The following UBE2G1 variants were observed in gnomAD, a reference collection of about 807,000 sequenced individuals.
UBE2G1 encodes the protein ubiquitin-conjugating enzyme E2 G1.
Under a neutral mutation model 22.7 loss-of-function variants are expected in UBE2G1, and 5 were observed. That is an observed-to-expected ratio of 0.22 (90% confidence interval 0.12 to 0.46). The LOEUF is 0.46. UBE2G1 is among the 20% of genes least tolerant of loss of function. The probability of loss-of-function intolerance (pLI) is 0.99; values close to 1 mark genes in which losing one functional copy is unlikely to be tolerated. For missense variants in UBE2G1, 88 were observed against 203.9 expected (o/e 0.43, Z 3.46); for synonymous variants, 74 against 67.5 (o/e 1.10, Z -0.47).
At chr17:4,274,383 G>T (rs1404728187) in intron 5 of UBE2G1, among the ~76,000 whole-genome samples, 1 of 151,804 alleles carries the variant, frequency 6.6e-6, no homozygotes, top group Non-Finnish European at 1.5e-5. Flanking sequence ...ATTTTTAGTA[G>T]AGACGGGGTT....
chr17:4,276,848 A>G (rs1288031174), intron 5 of UBE2G1, among the ~76,000 whole-genome samples: 1 of 152,212 alleles, frequency 6.6e-6, no homozygotes, highest in Non-Finnish European at 1.5e-5. Flanking sequence ...AGTTGAAACA[A>G]AGGCCTCAGT....
chr17:4,349,639 T>C (rs548646656), intron 1 of UBE2G1, among the ~76,000 whole-genome samples: 30 of 151,978 alleles, frequency 2.0e-4, no homozygotes, highest in African/African-American at 6.8e-4. Flanking sequence ...GTCAGGAGAT[T>C]GAGACCATCC....
intron 1 of UBE2G1, among the ~76,000 whole-genome samples, chr17:4,333,774 G>A (rs1256776001): frequency 6.6e-6 from 1 of 151,938 alleles, no homozygotes; most frequent in East Asian, 1.9e-4. Context: ...AGCCGAGATT[G>A]CACCACTGCA....
chr17:4,359,019 T>C (rs779527462), intron 1 of UBE2G1, among the ~76,000 whole-genome samples: 2 of 151,516 alleles, frequency 1.3e-5, no homozygotes. Flanking sequence ...TGTCTTAACA[T>C]AGAAACCCTA....
chr17:4,362,630 A>T (rs899939183), intron 1 of UBE2G1, among the ~76,000 whole-genome samples: 7 of 152,222 alleles, frequency 4.6e-5, no homozygotes, highest in Non-Finnish European at 1.0e-4. Flanking sequence ...TAATTAATTT[A>T]AATCCTTAAG....
chr17:4,336,550 A>G (rs964477122), intron 1 of UBE2G1, among the ~76,000 whole-genome samples: 7 of 151,898 alleles, frequency 4.6e-5, no homozygotes, highest in African/African-American at 1.7e-4. Context: ...TTTTTTTTTG[A>G]GACAGGGTCT....
chr17:4,283,039 T>C (rs1273801865), intron 4 of UBE2G1, 118 bp from the exon 5 acceptor site: 4 of 855,228 alleles, frequency 4.7e-6, no homozygotes, highest in East Asian at 5.4e-5. Context: ...AGAAACATTA[T>C]AGAGTTGAAA....
At chr17:4,304,953 CTT>C (rs554912028) in intron 2 of UBE2G1, among the ~76,000 whole-genome samples, 26 of 136,996 alleles carry the variant, frequency 1.9e-4, no homozygotes, top group Non-Finnish European at 2.2e-4. Context: ...TTTTTAAGAA[CTT>C]TTTTTTTTTT....
intron 1 of UBE2G1, among the ~76,000 whole-genome samples, chr17:4,348,506 T>A (rs1188320541): frequency 7.6e-6 from 1 of 132,004 alleles, no homozygotes; most frequent in Admixed American, 8.5e-5. Flanking sequence ...TGAGCCGAGA[T>A]CCCGCCACTG....
chr17:4,301,647 A>T, intron 2 of UBE2G1: 1 of 823,548 alleles, frequency 1.2e-6, no homozygotes, highest in Non-Finnish European at 2.1e-6. Context: ...TAGCTGTTTT[A>T]TTTGCACTGG....
At chr17:4,312,539 G>A (rs924861524) in intron 1 of UBE2G1, among the ~76,000 whole-genome samples, 4 of 151,106 alleles carry the variant, frequency 2.6e-5, no homozygotes, top group Non-Finnish European at 4.4e-5. Context: ...TACTAAAAAT[G>A]CAAAAAATTA....
Position 4,295,056 on chromosome 17 carries a change from TAGAGTTACAC to T in UBE2G1, c.247+1651_247+1660del, listed in dbSNP as rs111518939. Among the ~76,000 whole-genome samples, 177 of 152,310 alleles carry T rather than the reference TAGAGTTACAC, an allele frequency of 1.2e-3. 1 individual carries two copies. Among genetic ancestry groups the T allele is most frequent in the African/African-American group, 4.0e-3 (168 of 41,562 alleles). ...GCTTAAGGCTCCAACAGGGTTTGCC[TAGAGTTACAC>T]AGCTAGTCTGTGGTGAAGCCAACAT... On this transcript the variant is annotated intron_variant, in intron 3 of 5. Coordinates refer to ENST00000396981, the MANE Select transcript of UBE2G1 (RefSeq NM_003342.5).
chr17:4,274,142 G>A lies in UBE2G1; in HGVS notation c.*38-1626C>T, dbSNP rs537660751. Among the ~76,000 whole-genome samples, 4 of 149,504 alleles carry A rather than the reference G, an allele frequency of 2.7e-5. No individual in the cohort carries two copies. In the South Asian group the frequency reaches 8.5e-4, roughly 32 times the overall value. ...TCTACAGGCACCCGCCACCACACCC[G>A]GCTAATTTATTGTATTTTTAGTACA... On this transcript the variant is annotated intron_variant, in intron 5 of 5. Transcript: ENST00000396981.
At chr17:4,324,991 G>A (rs560153443) in intron 1 of UBE2G1, among the ~76,000 whole-genome samples, 12 of 152,052 alleles carry the variant, frequency 7.9e-5, no homozygotes, top group Admixed American at 2.6e-4. Flanking sequence ...GCAGGAGAAC[G>A]GCGTGAACCC....
At chr17:4,289,799 A>C (rs545133097) in intron 3 of UBE2G1, among the ~76,000 whole-genome samples, 37 of 152,232 alleles carry the variant, frequency 2.4e-4, no homozygotes, top group Non-Finnish European at 4.7e-4. Context: ...GTTTCTATGT[A>C]ATGGCCTCCT....
chr17:4,315,672 G>A (rs1179878179), intron 1 of UBE2G1, among the ~76,000 whole-genome samples: 5 of 150,612 alleles, frequency 3.3e-5, no homozygotes, highest in East Asian at 4.0e-4. Flanking sequence ...CCCGGGAGGC[G>A]GAGCTTGCAG....
intron 1 of UBE2G1, among the ~76,000 whole-genome samples, chr17:4,354,925 A>G (rs1969888259): frequency 6.6e-6 from 1 of 151,990 alleles, no homozygotes; most frequent in African/African-American, 2.4e-5. Flanking sequence ...TGACAGAGCA[A>G]GACTTTATCA....
intron 1 of UBE2G1, among the ~76,000 whole-genome samples, chr17:4,349,512 T>TA (rs56660928): frequency 6.6e-6 from 1 of 151,476 alleles, no homozygotes; most frequent in East Asian, 1.9e-4. Context: ...GCATTGTTTT[T>TA]AAAAAAAAAA....
intron 1 of UBE2G1, among the ~76,000 whole-genome samples, chr17:4,343,108 C>G (rs758866562): frequency 5.3e-5 from 8 of 152,120 alleles, no homozygotes; most frequent in Admixed American, 5.2e-4. Flanking sequence ...AAACTTTGTA[C>G]CAGCAAAACT....
Sources: allele counts gnomAD v4.1 joint callset (sites outside exome capture counted in the v4.1 genomes callset), GRCh38; gene constraint gnomAD v4.1.1; transcripts MANE v1.5; gene names NCBI Gene and HGNC (gene_info 2026-07-23, HGNC 2026-07-21).